The following ULK2 variants were observed in gnomAD, a reference collection of about 807,000 sequenced individuals.
ULK2 encodes unc-51 like autophagy activating kinase 2, also known as serine/threonine-protein kinase ULK2.
In ULK2, 76 loss-of-function variants were observed where a neutral mutation model predicts 127.5. The ratio of observed to expected loss-of-function variants is 0.60; its 90% CI spans 0.50 to 0.72. The LOEUF (loss-of-function observed/expected upper bound fraction) is 0.72, where lower values mean the gene tolerates loss of function less well. Ranked by LOEUF, ULK2 falls within the 30% of genes least tolerant of loss-of-function variation. The pLI, the probability that ULK2 is intolerant of heterozygous loss-of-function variation, is 0.00. For missense variants in ULK2, 1,144 were observed against 1,295.9 expected (o/e 0.88, Z 1.80); for synonymous variants, 452 against 461.9 (o/e 0.98, Z 0.28).
chr17:19,841,186 G>A (rs1597797850), intron 9 of ULK2, among the ~76,000 whole-genome samples: 1 of 152,068 alleles, frequency 6.6e-6, no homozygotes, highest in Non-Finnish European at 1.5e-5. Context: ...CAAAGCTGGG[G>A]GGAATTCACT....
At chr17:19,814,419 T>C (rs187815635) in intron 13 of ULK2, among the ~76,000 whole-genome samples, 911 of 16,202 alleles carry the variant, frequency 0.056, 33 homozygotes, top group African/African-American at 0.15. Context: ...TACATATATA[T>C]ATATATATAT....
At chr17:19,847,730 G>A (rs2041916909) in intron 5 of ULK2, among the ~76,000 whole-genome samples, 1 of 152,054 alleles carries the variant, frequency 6.6e-6, no homozygotes, top group Admixed American at 6.6e-5. Context: ...TTCTATTTTT[G>A]TAGAGACAGG....
chr17:19,865,041 TTTTTAGCTCAAAGAG>T (rs1252688086), intron 2 of ULK2, among the ~76,000 whole-genome samples, 197 bp from the exon 3 acceptor site: 1 of 152,026 alleles, frequency 6.6e-6, no homozygotes, highest in Non-Finnish European at 1.5e-5. Context: ...GAAAATATGA[TTTTTAGCTCAAAGAG>T]CTACAATTCT....
rs1191538211 is a variant in ULK2 at position 19,801,760 on chromosome 17, T to A, written c.1441+17A>T. ...TGAAAAAAAGGTTGAAAACAACTGT[T>A]TTTAAACTCTACTTACCCAAAGGGG... On this transcript the variant is annotated intron_variant, in intron 16 of 26. Coordinates refer to ENST00000395544, the MANE Select transcript of ULK2 (RefSeq NM_014683.4). The A allele has an allele frequency of 6.2e-7, 1 of 1,609,112 alleles. No individual in the cohort carries two copies. The highest frequency in any genetic ancestry group is 1.1e-5 in the South Asian group (1 of 90,322).
At chr17:19,800,067 G>C (rs1597730393) in intron 16 of ULK2, among the ~76,000 whole-genome samples, 1 of 152,236 alleles carries the variant, frequency 6.6e-6, no homozygotes, top group Non-Finnish European at 1.5e-5. Context: ...CCAGTGCTTG[G>C]GGCTACTTCT....
intron 3 of ULK2, among the ~76,000 whole-genome samples, chr17:19,859,737 T>C (rs2042203668): frequency 6.6e-6 from 1 of 152,232 alleles, no homozygotes. Flanking sequence ...CAGTGGCCAG[T>C]GGTGCAATCA....
rs1028635438 is a variant in ULK2 at position 19,865,747 on chromosome 17, T to C, written c.172A>G (p.Lys58Glu). 1.1e-5 allele frequency: 16 copies of C among 1,516,646 alleles called. No homozygotes were observed. Among genetic ancestry groups the C allele is most frequent in the Non-Finnish European group, 3.6e-6 (4 of 1,103,982 alleles). 93.9% of individuals were successfully genotyped at this position (1,516,646 alleles called of 1,614,324 possible). A position where few individuals can be genotyped will look rare whatever the true frequency, so the allele number is the denominator to read the frequency against. The change falls in exon 2 of 27, where the codon AAA (lysine) becomes GAA (glutamate). Residue 58 changes from lysine (K) to glutamate (E), a missense_variant. Physicochemically the swap from Lys to Glu is moderately conservative, Grantham distance 56. Transcript: ENST00000395544. ...ATAAAGTAACATACCTTTAAGATTTTAATTTCCTTTCCAAGCAGTATTTGT... is the reference window on the plus strand; with the variant it reads ...ATAAAGTAACATACCTTTAAGATTTCAATTTCCTTTCCAAGCAGTATTTGT... Reference protein sequence around the residue: ...KSQILLGKEIKILKELQHENI... With the variant: ...KSQILLGKEIEILKELQHENI...
intron 15 of ULK2, among the ~76,000 whole-genome samples, chr17:19,802,689 T>C (rs2087425344): frequency 1.3e-5 from 2 of 152,142 alleles, no homozygotes; most frequent in Non-Finnish European, 2.9e-5. Context: ...CTGTGACACG[T>C]TTCTTTGATA....
chr17:19,801,854 A>G lies in ULK2; in HGVS notation c.1364T>C (p.Val455Ala). 6.2e-7 allele frequency: 1 copy of G among 1,614,220 alleles called. No homozygotes were observed. The highest frequency in any genetic ancestry group is 1.1e-5 in the South Asian group (1 of 91,084). Reference protein sequence around the residue: ...GFLRPGSCSPVPADTAQTVGR... With the variant: ...GFLRPGSCSPAPADTAQTVGR... ...AACTGTCTGTGCTGTGTCTGCTGGT[A>G]CTGGGGAGCATGATCCCGGCCGGAG... Residue 455 changes from valine to alanine, a missense_variant, in exon 16 of 27, where the codon GTA (valine) becomes GCA (alanine). By Grantham distance (64) the Val-to-Ala change is moderately conservative (BLOSUM62 0). This residue lies in a region of ULK2 where 913 missense variants were observed against 970.5 expected (regional missense o/e 0.94). Coordinates refer to ENST00000395544, the MANE Select transcript of ULK2 (RefSeq NM_014683.4).
rs867667712 is a variant in ULK2, at chr17:19,799,575, ACTAC to A, written c.1442-4_1442-1del. On this transcript the variant is annotated splice_acceptor_variant and splice_polypyrimidine_tract_variant and intron_variant, in intron 16 of 26. Coordinates refer to ENST00000395544, the MANE Select transcript of ULK2 (RefSeq NM_014683.4). LOFTEE classifies it high-confidence loss of function. ...ACTGAATTGCTCAGGAATGGTACCAACTACAAAAAAAAAAAAAAAAAAGATGGGG... is the reference window on the plus strand; with the variant it reads ...ACTGAATTGCTCAGGAATGGTACCAAAAAAAAAAAAAAAAAAAAGATGGGG... 1 of 1,407,374 alleles carries A rather than the reference ACTAC, an allele frequency of 7.1e-7. No homozygotes were observed. The highest frequency in any genetic ancestry group is 1.5e-5 in the South Asian group (1 of 67,206). The allele number at this position is 1,407,374 out of a possible 1,614,324, so 87.2% of individuals were successfully genotyped here. A position where few individuals can be genotyped will look rare whatever the true frequency, so the allele number is the denominator to read the frequency against.
chr17:19,797,915 G>C (rs1435191565), intron 17 of ULK2, among the ~76,000 whole-genome samples: 1 of 152,156 alleles, frequency 6.6e-6, no homozygotes, highest in East Asian at 1.9e-4. Flanking sequence ...GTTATTAGCT[G>C]TTTTTAATCA....
At chr17:19,845,010 G>A (rs1298903009) in intron 7 of ULK2, among the ~76,000 whole-genome samples, 1 of 152,110 alleles carries the variant, frequency 6.6e-6, no homozygotes, top group Non-Finnish European at 1.5e-5. Flanking sequence ...TATACATTAT[G>A]TACAGCATGA....
Position 19,867,898 on chromosome 17 carries a change from C to A in ULK2, c.-481G>T, listed in dbSNP as rs1410452880. ...CGCGCTTCCCCGCCTCGCGGCGGCG[C>A]CCAACGCCCTCGCGCGCGCTACCCG... is the stretch of plus-strand genomic sequence containing the variant. On this transcript the variant is annotated 5_prime_UTR_variant, in exon 1 of 27. Transcript: ENST00000395544. 6.6e-6 allele frequency: 1 copy of A among 151,032 alleles called. No homozygotes were observed. Among genetic ancestry groups the A allele is most frequent in the Non-Finnish European group, 1.5e-5 (1 of 67,706 alleles). 9.4% of individuals were successfully genotyped at this position (151,032 alleles called of 1,614,324 possible).
intron 12 of ULK2, among the ~76,000 whole-genome samples, chr17:19,824,171 T>C (rs573478133): frequency 1.3e-5 from 2 of 152,244 alleles, no homozygotes; most frequent in South Asian, 2.1e-4. Context: ...AAGAAATTGA[T>C]GTCTGGGGCA....
intron 26 of ULK2, among the ~76,000 whole-genome samples, chr17:19,776,831 C>T (rs1270892184): frequency 6.6e-6 from 1 of 152,200 alleles, no homozygotes; most frequent in Non-Finnish European, 1.5e-5. Context: ...ACTCTTTAGT[C>T]ACTAAGCCCA....
chr17:19,792,543 C>T (rs1056850032), intron 20 of ULK2, among the ~76,000 whole-genome samples: 8 of 152,212 alleles, frequency 5.3e-5, no homozygotes, highest in South Asian at 2.1e-4. Context: ...TCATAAATTA[C>T]GCAGTCTCAG....
intron 20 of ULK2, among the ~76,000 whole-genome samples, chr17:19,790,722 T>A (rs990152888): frequency 6.6e-6 from 1 of 152,094 alleles, no homozygotes; most frequent in Non-Finnish European, 1.5e-5. Flanking sequence ...AGTGGCTGAA[T>A]GGATTAAAAA....
intron 3 of ULK2, among the ~76,000 whole-genome samples, chr17:19,856,581 C>T (rs959337064): frequency 6.7e-6 from 1 of 149,848 alleles, no homozygotes; most frequent in African/African-American, 2.5e-5. Context: ...GACTCCGTCA[C>T]ACACACAAAA....
At chr17:19,795,347 T>TAA (rs755484577) in intron 20 of ULK2, among the ~76,000 whole-genome samples, 66,946 of 82,564 alleles carry the variant, frequency 0.81, 29,060 homozygotes, top group Non-Finnish European at 0.89. Context: ...ACCCTACTGA[T>TAA]AAAAAAAAAA....
Sources: allele counts gnomAD v4.1 joint callset (sites outside exome capture counted in the v4.1 genomes callset), GRCh38; gene constraint gnomAD v4.1.1; regional missense constraint gnomAD v4.1.1; transcripts MANE v1.5; gene names NCBI Gene and HGNC (gene_info 2026-07-23, HGNC 2026-07-21).